ADGRL3: variants seen among roughly 807,000 people sequenced by gnomAD.
ADGRL3 encodes adhesion G protein-coupled receptor L3, also known as calcium-independent alpha-latrotoxin receptor 3.
In ADGRL3, 62 loss-of-function variants were observed where a neutral mutation model predicts 153.5. The ratio of observed to expected loss-of-function variants is 0.40; its 90% CI spans 0.33 to 0.50. The LOEUF is 0.50. Among genes scored for constraint, ADGRL3 ranks in the 20% least tolerant of loss-of-function variants. The probability of loss-of-function intolerance (pLI) is 0.47; values close to 1 mark genes in which losing one functional copy is unlikely to be tolerated. For synonymous variants in ADGRL3, 710 were observed against 672.5 expected, an observed-to-expected ratio of 1.06 and a Z score of -0.86; for missense variants, 1,641 against 1,859.4, an observed-to-expected ratio of 0.88 and a Z score of 2.16.
intron 1 of ADGRL3, among the ~76,000 whole-genome samples, chr4:61,203,473 T>C (rs1185940113): frequency 6.6e-6 from 1 of 152,222 alleles, no homozygotes; most frequent in Non-Finnish European, 1.5e-5. Context: ...CCTCTGATTT[T>C]ACATCCTTCC....
chr4:61,612,667 G>A (rs748503248), intron 5 of ADGRL3, among the ~76,000 whole-genome samples: 90 of 152,128 alleles, frequency 5.9e-4, no homozygotes, highest in Non-Finnish European at 1.2e-3. Context: ...TTATCATTTG[G>A]AAAATGAAGT....
chr4:61,906,202 A>T (rs2098694911), intron 11 of ADGRL3: 1 of 151,632 alleles, frequency 6.6e-6, no homozygotes, highest in Non-Finnish European at 1.5e-5. Flanking sequence ...TATATATGTA[A>T]ATAACTCTCA....
chr4:61,371,223 C>G (rs1206782185), intron 1 of ADGRL3, among the ~76,000 whole-genome samples: 2 of 151,410 alleles, frequency 1.3e-5, no homozygotes, highest in Non-Finnish European at 2.9e-5. Context: ...GGATTTAGTC[C>G]ATTTACATTT....
chr4:61,754,867 GTGTT>G (rs940005208), intron 8 of ADGRL3, among the ~76,000 whole-genome samples: 55 of 152,206 alleles, frequency 3.6e-4, no homozygotes, highest in African/African-American at 1.3e-3. Flanking sequence ...AGAATATGCG[GTGTT>G]TGTTTTTTTA....
Position 62,068,187 on chromosome 4 carries a change from T to C in ADGRL3, c.3832+4T>C. 2 of 1,585,596 alleles carry C rather than the reference T, an allele frequency of 1.3e-6. No homozygotes were observed. Among genetic ancestry groups the C allele is most frequent in the African/African-American group, 2.7e-5 (2 of 74,132 alleles). On this transcript the variant is annotated splice_donor_region_variant and intron_variant, in intron 26 of 26. Transcript: ENST00000683033. Reference sequence around the variant, plus strand: ...TTAGAGCCCTACAGAGAGACAAGTATGGGAGTAAAGCTAAACATTGCATAT... The same window carrying C: ...TTAGAGCCCTACAGAGAGACAAGTACGGGAGTAAAGCTAAACATTGCATAT...
At chr4:61,880,996 A>C (rs1208441605) in intron 9 of ADGRL3, among the ~76,000 whole-genome samples, 1 of 152,180 alleles carries the variant, frequency 6.6e-6, no homozygotes, top group Non-Finnish European at 1.5e-5. Context: ...TGTTTTACTC[A>C]ACCATGTATT....
chr4:61,466,935 A>T (rs55741561), intron 2 of ADGRL3, among the ~76,000 whole-genome samples: 1 of 152,090 alleles, frequency 6.6e-6, no homozygotes, highest in Non-Finnish European at 1.5e-5. Flanking sequence ...TAATGAAAAA[A>T]ATATGCTACA....
At chr4:61,801,570 C>T (rs1438288132) in intron 8 of ADGRL3, among the ~76,000 whole-genome samples, 1 of 151,856 alleles carries the variant, frequency 6.6e-6, no homozygotes, top group Non-Finnish European at 1.5e-5. Flanking sequence ...ACAAGTAGAG[C>T]TTTGGACTGT....
intron 2 of ADGRL3, among the ~76,000 whole-genome samples, chr4:61,411,538 G>A (rs558889022): frequency 6.6e-5 from 10 of 152,182 alleles, no homozygotes; most frequent in African/African-American, 2.4e-4. Context: ...CCTAATATGT[G>A]AATAATCAGC....
chr4:61,930,874 C>T (rs1400821884), intron 13 of ADGRL3, among the ~76,000 whole-genome samples: 1 of 151,764 alleles, frequency 6.6e-6, no homozygotes, highest in Non-Finnish European at 1.5e-5. Flanking sequence ...TTATGTTGAG[C>T]TTATGAAAAT....
chr4:61,324,247 T>A (rs2095422574), intron 1 of ADGRL3, among the ~76,000 whole-genome samples: 1 of 152,150 alleles, frequency 6.6e-6, no homozygotes, highest in Non-Finnish European at 1.5e-5. Flanking sequence ...ACTTTTTCTG[T>A]TTTATCTTGC....
intron 19 of ADGRL3, among the ~76,000 whole-genome samples, chr4:61,995,541 A>T (rs1343869011): frequency 3.9e-5 from 6 of 152,188 alleles, no homozygotes; most frequent in Non-Finnish European, 7.3e-5. Flanking sequence ...TTTAACATCA[A>T]ATGTAATTTG....
chr4:62,009,084 T>C (rs1470891188), intron 21 of ADGRL3, among the ~76,000 whole-genome samples: 1 of 152,130 alleles, frequency 6.6e-6, no homozygotes, highest in African/African-American at 2.4e-5. Flanking sequence ...ATCACACTAC[T>C]ACGAAATCAC....
intron 1 of ADGRL3, among the ~76,000 whole-genome samples, chr4:61,303,053 A>G (rs2094634807): frequency 6.6e-6 from 1 of 152,160 alleles, no homozygotes; most frequent in Admixed American, 6.5e-5. Flanking sequence ...CATCATTGAC[A>G]CCTCCAAAAC....
At chr4:61,641,576 G>A (rs927735145) in intron 5 of ADGRL3, among the ~76,000 whole-genome samples, 7 of 151,700 alleles carry the variant, frequency 4.6e-5, no homozygotes, top group Non-Finnish European at 1.0e-4. Flanking sequence ...TGAGAATGAC[G>A]ATTTCCAATT....
Position 61,990,392 on chromosome 4 carries a change from C to A in ADGRL3, c.3237-5899C>A, listed in dbSNP as rs936728742. On this transcript the variant is annotated intron_variant, in intron 19 of 26. Transcript: ENST00000683033. ...AAGATTGGGGAGACTGTGGATGGAT[C>A]ATTGTAGAGCAGTGGGAGGTTGAAA... Among the ~76,000 whole-genome samples the A allele has an allele frequency of 7.0e-4, 106 of 151,944 alleles. 1 individual carries two copies. Among genetic ancestry groups the A allele is most frequent in the African/African-American group, 2.5e-3 (102 of 41,466 alleles).
chr4:61,724,292 A>G (rs1396629615), intron 6 of ADGRL3, among the ~76,000 whole-genome samples: 1 of 152,226 alleles, frequency 6.6e-6, no homozygotes, highest in Non-Finnish European at 1.5e-5. Flanking sequence ...GCTATTATAA[A>G]TAGATTCTCA....
chr4:61,658,468 C>T (rs1357296141), intron 5 of ADGRL3, among the ~76,000 whole-genome samples: 1 of 151,998 alleles, frequency 6.6e-6, no homozygotes, highest in Non-Finnish European at 1.5e-5. Context: ...GTTTTTTTCA[C>T]TTAAATGGTC....
intron 1 of ADGRL3, among the ~76,000 whole-genome samples, chr4:61,358,729 C>G (rs185022591): frequency 1.4e-4 from 22 of 152,032 alleles, no homozygotes; most frequent in Non-Finnish European, 2.4e-4. Flanking sequence ...AATGATTTCT[C>G]ATGATCCTCT....
Sources: allele counts gnomAD v4.1 joint callset (sites outside exome capture counted in the v4.1 genomes callset), GRCh38; gene constraint gnomAD v4.1.1; transcripts MANE v1.5; gene names NCBI Gene and HGNC (gene_info 2026-07-23, HGNC 2026-07-21).